The following PRKCH variants were observed in gnomAD, a reference collection of about 807,000 sequenced individuals.
PRKCH encodes the protein protein kinase C eta.
In PRKCH, 28 loss-of-function variants were observed where a neutral mutation model predicts 82.5. The observed-to-expected ratio is 0.34, with a 90% confidence interval of 0.25 to 0.47. PRKCH has a LOEUF of 0.47. Ranked by LOEUF, PRKCH falls within the 20% of genes least tolerant of loss-of-function variation. The pLI, the probability that PRKCH is intolerant of heterozygous loss-of-function variation, is 1.00. For missense variants in PRKCH, 705 were observed against 881.8 expected, an observed-to-expected ratio of 0.80 and a Z score of 2.54; for synonymous variants, 322 against 327.4, an observed-to-expected ratio of 0.98 and a Z score of 0.18.
At chr14:61,340,450 C>T (rs566465903) in intron 1 of PRKCH, among the ~76,000 whole-genome samples, 1 of 152,188 alleles carries the variant, frequency 6.6e-6, no homozygotes, top group South Asian at 2.1e-4. Flanking sequence ...CGCATGGTCT[C>T]GTCAACTTTT....
At chr14:61,485,718 C>A in intron 10 of PRKCH, 62 bp downstream of exon 10, 1 of 1,510,092 alleles carries the variant, frequency 6.6e-7, no homozygotes, top group Non-Finnish European at 9.0e-7. Flanking sequence ...TGGTATGATC[C>A]ATCCTTCCAC....
At chr14:61,533,093 G>A (rs1178519577) in intron 12 of PRKCH, among the ~76,000 whole-genome samples, 1 of 152,162 alleles carries the variant, frequency 6.6e-6, no homozygotes, top group Non-Finnish European at 1.5e-5. Flanking sequence ...GTGAGCCTCT[G>A]TGCCTCTCTG....
intron 2 of PRKCH, among the ~76,000 whole-genome samples, chr14:61,428,661 A>T (rs1050543692): frequency 6.6e-6 from 1 of 152,122 alleles, no homozygotes; most frequent in Non-Finnish European, 1.5e-5. Flanking sequence ...AGATTTTTTG[A>T]TAATTGATCT....
At chr14:61,509,106 A>G (rs1182328387) in intron 10 of PRKCH, among the ~76,000 whole-genome samples, 1 of 152,040 alleles carries the variant, frequency 6.6e-6, no homozygotes, top group Non-Finnish European at 1.5e-5. Flanking sequence ...ATAGAAGTGG[A>G]CTCTAGAAAG....
intron 10 of PRKCH, among the ~76,000 whole-genome samples, chr14:61,510,567 T>G (rs60590856): frequency 1.3e-5 from 2 of 152,206 alleles, no homozygotes; most frequent in East Asian, 1.9e-4. Flanking sequence ...AGTTTAGTTT[T>G]TGTTTTTTTG....
chr14:61,211,322 T>C (rs577356040), intron 1 of PRKCH, among the ~76,000 whole-genome samples: 1 of 152,160 alleles, frequency 6.6e-6, no homozygotes, highest in Non-Finnish European at 1.5e-5. Context: ...CTTCGGAGCC[T>C]CAACATGGAC....
intron 1 of PRKCH, among the ~76,000 whole-genome samples, chr14:61,249,522 CA>C (rs374942372): frequency 0.074 from 8,990 of 121,200 alleles, 770 homozygotes; most frequent in African/African-American, 0.28. Context: ...CGAAGCTTTC[CA>C]AAAAAAAAAA....
At chr14:61,271,978 C>A (rs1356369913) in intron 1 of PRKCH, among the ~76,000 whole-genome samples, 1 of 152,194 alleles carries the variant, frequency 6.6e-6, no homozygotes, top group Non-Finnish European at 1.5e-5. Flanking sequence ...GTAATCCCAG[C>A]ACTTTGGGAG....
rs2045250363 is a variant in PRKCH at position 61,280,586 on chromosome 14, C to A, written c.-19+92918C>A. 6.3e-7 allele frequency: 1 copy of A among 1,597,700 alleles called. No individual in the cohort carries two copies. Among genetic ancestry groups the A allele is most frequent in the Admixed American group, 1.8e-5 (1 of 57,024 alleles). ...ATGCCGGAGCGGTCGAGCGGCACCTCGACGTAGGGCCCGCCGGGCTGGCGC... is the reference window on the plus strand; with the variant it reads ...ATGCCGGAGCGGTCGAGCGGCACCTAGACGTAGGGCCCGCCGGGCTGGCGC... On this transcript the variant is annotated intron_variant, in intron 1 of 3. Coordinates refer to the PRKCH transcript ENST00000555185. The surrounding 1 kb of genome is among the most constrained non-coding windows in gnomAD (Gnocchi z 5.0).
chr14:61,359,917 G>A (rs1304983932), intron 1 of PRKCH, among the ~76,000 whole-genome samples: 1 of 152,174 alleles, frequency 6.6e-6, no homozygotes, highest in African/African-American at 2.4e-5. Flanking sequence ...GCTGTTTTAG[G>A]ATGTAGAAGT....
chr14:61,356,721 A>G (rs899040830), intron 1 of PRKCH, among the ~76,000 whole-genome samples: 9 of 152,096 alleles, frequency 5.9e-5, no homozygotes, highest in African/African-American at 2.2e-4. Context: ...TCCTTCTGTC[A>G]CCCAGGCTGG....
At chr14:61,217,947 A>G (rs188312823) in intron 1 of PRKCH, among the ~76,000 whole-genome samples, 27 of 152,294 alleles carry the variant, frequency 1.8e-4, no homozygotes, top group African/African-American at 6.5e-4. Flanking sequence ...TTGGAACCAT[A>G]TGAAGATTGA....
At chr14:61,328,710 G>A (rs181779734) in intron 1 of PRKCH, among the ~76,000 whole-genome samples, 5 of 152,010 alleles carry the variant, frequency 3.3e-5, no homozygotes, top group Non-Finnish European at 5.9e-5. Context: ...AACTGGGGCC[G>A]CGTGCTATGG....
chr14:61,272,333 CTTTT>C (rs1566801724), intron 1 of PRKCH, among the ~76,000 whole-genome samples: 2 of 83,062 alleles, frequency 2.4e-5, no homozygotes, highest in Admixed American at 2.8e-4. Context: ...TTTTTCTTTT[CTTTT>C]TTCTTTCTTT....
At chr14:61,450,821 C>T (rs768812335) in intron 5 of PRKCH, 21 bp from the exon 6 acceptor site, 1 of 1,609,070 alleles carries the variant, frequency 6.2e-7, no homozygotes, top group Non-Finnish European at 8.5e-7. Context: ...AGCTCTTGTC[C>T]CTTTATTTCC....
intron 1 of PRKCH, among the ~76,000 whole-genome samples, chr14:61,193,540 A>AG (rs1286679716): frequency 6.6e-6 from 1 of 152,136 alleles, no homozygotes; most frequent in Non-Finnish European, 1.5e-5. Context: ...TAAAAAAAAA[A>AG]CAGAAATCAT....
At chr14:61,268,998 A>G (rs2045128167) in intron 1 of PRKCH, among the ~76,000 whole-genome samples, 1 of 152,218 alleles carries the variant, frequency 6.6e-6, no homozygotes, top group Non-Finnish European at 1.5e-5. Context: ...TTTCAAATAT[A>G]AAAAGACATA....
chr14:61,517,897 C>T (rs1485405363), intron 10 of PRKCH, among the ~76,000 whole-genome samples: 2 of 152,206 alleles, frequency 1.3e-5, no homozygotes, highest in Non-Finnish European at 2.9e-5. Context: ...TGGCTGGTGG[C>T]TCTCAGAATC....
chr14:61,225,168 C>T (rs2044687549), intron 1 of PRKCH, among the ~76,000 whole-genome samples: 1 of 152,108 alleles, frequency 6.6e-6, no homozygotes, highest in Non-Finnish European at 1.5e-5. Context: ...TGATCTGAGC[C>T]CTGAAAAAGA....
Sources: allele counts gnomAD v4.1 joint callset (sites outside exome capture counted in the v4.1 genomes callset), GRCh38; gene constraint gnomAD v4.1.1; non-coding constraint Gnocchi (gnomAD v3.1); transcripts MANE v1.5; gene names NCBI Gene and HGNC (gene_info 2026-07-23, HGNC 2026-07-21).